The following EXOC6B variants were observed in gnomAD, a reference collection of about 807,000 sequenced individuals.
EXOC6B encodes SEC15 homolog B.
In EXOC6B, 54 loss-of-function variants were observed where a neutral mutation model predicts 113.5. The ratio of observed to expected loss-of-function variants is 0.48; its 90% confidence interval spans 0.38 to 0.60. EXOC6B has a LOEUF of 0.60. Among genes scored for constraint, EXOC6B ranks in the 20% least tolerant of loss-of-function variants. EXOC6B has a pLI of 0.00. For missense variants in EXOC6B, 797 were observed against 977.5 expected (o/e 0.82, Z 2.46); for synonymous variants, 357 against 339.0 (o/e 1.05, Z -0.58).
At chr2:72,330,768 T>G (rs1462508749) in intron 20 of EXOC6B, among the ~76,000 whole-genome samples, 1 of 152,086 alleles carries the variant, frequency 6.6e-6, no homozygotes, top group African/African-American at 2.4e-5. Flanking sequence ...TGTGACTAGC[T>G]TCAGCCACAA....
intron 19 of EXOC6B, among the ~76,000 whole-genome samples, chr2:72,369,612 T>C (rs980153056): frequency 2.0e-5 from 3 of 152,118 alleles, no homozygotes; most frequent in Admixed American, 2.0e-4. Context: ...CTTCAAACCA[T>C]ACTACAAGGC....
intron 6 of EXOC6B, among the ~76,000 whole-genome samples, chr2:72,656,133 A>G (rs1332511366): frequency 1.3e-5 from 2 of 152,152 alleles, no homozygotes; most frequent in Non-Finnish European, 2.9e-5. Context: ...TGACAGGGAA[A>G]CTAAAATATC....
intron 6 of EXOC6B, among the ~76,000 whole-genome samples, chr2:72,590,465 T>TC (rs1705869315): frequency 6.6e-6 from 1 of 151,920 alleles, no homozygotes. Context: ...TGATTCATAT[T>TC]CCCCAGAAAT....
intron 20 of EXOC6B, among the ~76,000 whole-genome samples, chr2:72,279,076 G>C (rs565842460): frequency 1.3e-5 from 2 of 152,236 alleles, no homozygotes; most frequent in East Asian, 1.9e-4. Context: ...TCAATTTGTA[G>C]GGCAAGTATA....
At chr2:72,265,139 G>A (rs1683983127) in intron 20 of EXOC6B, among the ~76,000 whole-genome samples, 1 of 152,054 alleles carries the variant, frequency 6.6e-6, no homozygotes, top group Non-Finnish European at 1.5e-5. Flanking sequence ...TGACCAAAAT[G>A]CTGTTAGTGA....
At position 72,177,391 on chromosome 2, in the gene EXOC6B, G is replaced by A. The variant is rs536139729; in HGVS notation, c.*1944C>T. 2.6e-5 allele frequency: 4 copies of A among 152,364 alleles called. No individual in the cohort carries two copies. The South Asian group carries it at 8.3e-4, about 32-fold the overall frequency. The allele number at this position is 152,364 out of a possible 1,614,324, so 9.4% of individuals were successfully genotyped here. On this transcript the variant is annotated 3_prime_UTR_variant, in exon 22 of 22. Coordinates refer to ENST00000272427, the MANE Select transcript of EXOC6B (RefSeq NM_015189.3). ...GCTGCAAACTGGGTACTAGCAAAGA[G>A]AAGTGTTTTGAACTCTTCTCAAGCA...
intron 7 of EXOC6B, among the ~76,000 whole-genome samples, chr2:72,567,950 A>C (rs1189070970): frequency 3.3e-5 from 5 of 152,066 alleles, no homozygotes; most frequent in African/African-American, 1.2e-4. Context: ...GATTCCAGAA[A>C]GTGGCATCAA....
chr2:72,192,132 T>C (rs948164459), intron 20 of EXOC6B, among the ~76,000 whole-genome samples: 1 of 152,148 alleles, frequency 6.6e-6, no homozygotes, highest in African/African-American at 2.4e-5. Context: ...ATGAGCCTCA[T>C]CTCCCACGTA....
At chr2:72,196,211 G>A (rs1487491551) in intron 20 of EXOC6B, among the ~76,000 whole-genome samples, 3 of 152,082 alleles carry the variant, frequency 2.0e-5, no homozygotes, top group Non-Finnish European at 4.4e-5. Flanking sequence ...TTTATAAATG[G>A]ATAAATTAAG....
At chr2:72,222,939 T>C (rs1160721597) in intron 20 of EXOC6B, among the ~76,000 whole-genome samples, 1 of 152,192 alleles carries the variant, frequency 6.6e-6, no homozygotes, top group Admixed American at 6.5e-5. Context: ...GGGTTTGCAA[T>C]ATACTCACTC....
At chr2:72,585,809 A>T (rs1705529340) in intron 6 of EXOC6B, among the ~76,000 whole-genome samples, 3 of 152,122 alleles carry the variant, frequency 2.0e-5, no homozygotes, top group Non-Finnish European at 4.4e-5. Flanking sequence ...AATGAAAAAA[A>T]CCTACCAACC....
chr2:72,398,026 C>G (rs1315442093), intron 18 of EXOC6B, among the ~76,000 whole-genome samples: 1 of 152,110 alleles, frequency 6.6e-6, no homozygotes, highest in African/African-American at 2.4e-5. Context: ...TTGATTGAGC[C>G]ACCAGGTGCT....
intron 20 of EXOC6B, among the ~76,000 whole-genome samples, chr2:72,209,223 C>CAAAA (rs1170760516): frequency 2.3e-4 from 13 of 57,090 alleles, no homozygotes; most frequent in East Asian, 2.0e-3. Context: ...AACTCAGTCT[C>CAAAA]AAAAAAAAAA....
In EXOC6B at chr2:72,304,698, G is replaced by T. The variant is rs1402273726; in HGVS notation, c.2196+30249C>A. ...CCTCTAGTAAAAAATACTCTTCATG[G>T]TATGAAAAGGTTAGTTAACTGTGCA... On this transcript the variant is annotated intron_variant, in intron 20 of 21. Transcript: ENST00000272427. 2.0e-5 allele frequency among the ~76,000 whole-genome samples: 3 copies of T among 152,040 alleles called. No individual in the cohort carries two copies. The East Asian group carries it at 5.8e-4, about 29-fold the overall frequency.
At chr2:72,216,661 T>A (rs919814560) in intron 20 of EXOC6B, among the ~76,000 whole-genome samples, 16 of 152,064 alleles carry the variant, frequency 1.1e-4, no homozygotes, top group African/African-American at 4.8e-5. Context: ...CAAATGCCCA[T>A]CAGTGATAGA....
At chr2:72,338,429 G>T (rs756803284) in intron 19 of EXOC6B, among the ~76,000 whole-genome samples, 33 of 152,072 alleles carry the variant, frequency 2.2e-4, no homozygotes, top group Non-Finnish European at 3.5e-4. Flanking sequence ...AAAAAATTCA[G>T]CTATGGCTCA....
At chr2:72,764,704 A>C (rs184307941) in intron 1 of EXOC6B, among the ~76,000 whole-genome samples, 1 of 152,072 alleles carries the variant, frequency 6.6e-6, no homozygotes, top group East Asian at 1.9e-4. Flanking sequence ...TACTTTCTCC[A>C]ACTGTGGAAA....
chr2:72,210,184 C>A (rs889672188), intron 20 of EXOC6B, among the ~76,000 whole-genome samples: 75 of 152,126 alleles, frequency 4.9e-4, no homozygotes, highest in African/African-American at 1.8e-3. Flanking sequence ...CTCAATCAAC[C>A]TTCATTGAGT....
intron 17 of EXOC6B, among the ~76,000 whole-genome samples, chr2:72,474,293 C>A (rs1319052498): frequency 1.3e-5 from 2 of 152,136 alleles, no homozygotes; most frequent in African/African-American, 4.8e-5. Context: ...CATCCTGTAT[C>A]TGAATGTCTA....
Sources: gnomAD v4.1 joint callset for allele counts (sites outside exome capture counted in the v4.1 genomes callset) on GRCh38, gnomAD v4.1.1 for gene constraint, MANE v1.5 for transcripts, NCBI Gene and HGNC (gene_info 2026-07-23, HGNC 2026-07-21) for gene names.